The following CNTNAP5 variants were observed in gnomAD, a reference collection of about 807,000 sequenced individuals.
CNTNAP5 encodes contactin-associated protein-like 5.
In CNTNAP5, 72 loss-of-function variants were observed where a neutral mutation model predicts 150.2. The observed-to-expected ratio is 0.48, with a 90% CI of 0.40 to 0.58. The LOEUF (loss-of-function observed/expected upper bound fraction) is 0.58, where lower values mean the gene tolerates loss of function less well. CNTNAP5 is among the 20% of genes least tolerant of loss of function. CNTNAP5 has a pLI of 0.00. For synonymous variants in CNTNAP5, 672 were observed against 619.8 expected, an observed-to-expected ratio of 1.08 and a Z score of -1.25; for missense variants, 1,636 against 1,626.2, an observed-to-expected ratio of 1.01 and a Z score of -0.10.
chr2:124,229,757 A>G, intron 2 of CNTNAP5, among the ~76,000 whole-genome samples: 1 of 152,142 alleles, frequency 6.6e-6, no homozygotes, highest in East Asian at 1.9e-4. Flanking sequence ...GGTATATAGC[A>G]TGAAGCCACG....
chr2:124,405,240 C>CA (rs1375822395), intron 3 of CNTNAP5, among the ~76,000 whole-genome samples: 6 of 152,074 alleles, frequency 3.9e-5, no homozygotes, highest in African/African-American at 1.4e-4. Context: ...AGATGTACTG[C>CA]AAATTCAGAA....
chr2:124,639,704 C>A (rs1381440216), intron 12 of CNTNAP5, among the ~76,000 whole-genome samples: 2 of 152,146 alleles, frequency 1.3e-5, no homozygotes, highest in Non-Finnish European at 2.9e-5. Flanking sequence ...ACATTATGTA[C>A]TTATGTGGGT....
chr2:124,364,999 A>G (rs927992886), intron 3 of CNTNAP5, among the ~76,000 whole-genome samples: 25 of 152,122 alleles, frequency 1.6e-4, no homozygotes, highest in African/African-American at 6.0e-4. Context: ...TCACTAAAAA[A>G]CTATTGGCCA....
intron 10 of CNTNAP5, among the ~76,000 whole-genome samples, chr2:124,557,646 A>G (rs1695789582): frequency 6.6e-6 from 1 of 152,194 alleles, no homozygotes; most frequent in South Asian, 2.1e-4. Flanking sequence ...AAACTGATGG[A>G]TAAGCAGAGT....
At chr2:124,152,260 A>T (rs541751144) in intron 1 of CNTNAP5, among the ~76,000 whole-genome samples, 1 of 152,266 alleles carries the variant, frequency 6.6e-6, no homozygotes, top group East Asian at 1.9e-4. Context: ...ACAAAAACTG[A>T]TATGATTTAA....
chr2:124,565,930 A>T (rs13394737), intron 11 of CNTNAP5, among the ~76,000 whole-genome samples: 2,419 of 147,560 alleles, frequency 0.016, 65 homozygotes, highest in African/African-American at 0.057. Context: ...AATACGTATA[A>T]GATTTTATCA....
chr2:124,706,943 G>GAAGAAGAAGAAGA lies in CNTNAP5; in HGVS notation c.2078-40285_2078-40284insAGAAGAAGAAGAA, dbSNP rs1558743370. ...GAAGAAGAAGAAGAAGAAGAAGAAG[G>GAAGAAGAAGAAGA]AGGAGGAGGAGGAGGAGGAGGAGAA... On this transcript the variant is annotated intron_variant, in intron 13 of 23. Coordinates refer to ENST00000682447, the MANE Select transcript of CNTNAP5 (RefSeq NM_001367498.1). Among the ~76,000 whole-genome samples, 15 of 75,194 alleles carry GAAGAAGAAGAAGA rather than the reference G, an allele frequency of 2.0e-4. 2 individuals carry two copies. Among genetic ancestry groups the GAAGAAGAAGAAGA allele is most frequent in the African/African-American group, 7.6e-4 (15 of 19,666 alleles). The allele number at this position is 75,194 out of a possible 152,430, so 49.3% of individuals were successfully genotyped here.
At chr2:124,251,770 C>T (rs1026117920) in intron 3 of CNTNAP5, among the ~76,000 whole-genome samples, 7 of 152,000 alleles carry the variant, frequency 4.6e-5, no homozygotes, top group East Asian at 3.9e-4. Context: ...ATTTTTTTCT[C>T]CCAGAAAATA....
chr2:124,850,054 C>T (rs1219575090), intron 19 of CNTNAP5, among the ~76,000 whole-genome samples: 4 of 151,716 alleles, frequency 2.6e-5, no homozygotes, highest in Admixed American at 1.3e-4. Context: ...GTAAAATTAG[C>T]GTAAAGTTAA....
At chr2:124,712,520 G>T (rs1407830813) in intron 13 of CNTNAP5, among the ~76,000 whole-genome samples, 1 of 152,174 alleles carries the variant, frequency 6.6e-6, no homozygotes, top group Non-Finnish European at 1.5e-5. Flanking sequence ...TGTGGAGAAG[G>T]AGCTGCTGCT....
At chr2:124,593,443 T>C (rs1477209406) in intron 11 of CNTNAP5, among the ~76,000 whole-genome samples, 4 of 98,696 alleles carry the variant, frequency 4.1e-5, no homozygotes, top group African/African-American at 1.5e-4. Context: ...ATTTCATCCA[T>C]GTCCCTACAA....
intron 19 of CNTNAP5, among the ~76,000 whole-genome samples, chr2:124,825,785 C>G (rs1048237629): frequency 2.6e-5 from 4 of 152,132 alleles, no homozygotes; most frequent in Admixed American, 2.0e-4. Context: ...ACCAAGCATT[C>G]TTGGGATCGG....
intron 13 of CNTNAP5, among the ~76,000 whole-genome samples, chr2:124,681,301 C>CAAACAA (rs779890260): frequency 5.5e-5 from 4 of 72,360 alleles, no homozygotes; most frequent in Non-Finnish European, 1.0e-4. Flanking sequence ...GACTCCATCT[C>CAAACAA]AAAAAAAAAA....
intron 17 of CNTNAP5, among the ~76,000 whole-genome samples, chr2:124,786,446 G>GGAAGGAAGGAAGGAAA (rs1681590033): frequency 6.3e-5 from 5 of 78,852 alleles, no homozygotes; most frequent in East Asian, 3.3e-4. Context: ...AAGGAAGGAA[G>GGAAGGAAGGAAGGAAA]GAAAGAAAGA....
At chr2:124,677,557 A>G (rs1678971396) in intron 13 of CNTNAP5, among the ~76,000 whole-genome samples, 1 of 151,998 alleles carries the variant, frequency 6.6e-6, no homozygotes, top group Non-Finnish European at 1.5e-5. Flanking sequence ...GTGTTTACAA[A>G]CCTTTAGCTA....
At chr2:124,654,777 G>A (rs13018503) in intron 13 of CNTNAP5, among the ~76,000 whole-genome samples, 28,488 of 150,952 alleles carry the variant, frequency 0.19, 2,956 homozygotes, top group East Asian at 0.25. Flanking sequence ...ACCACCCCCC[G>A]CCTCCACAGA....
At chr2:124,405,945 T>C (rs1691559976) in intron 3 of CNTNAP5, among the ~76,000 whole-genome samples, 1 of 152,252 alleles carries the variant, frequency 6.6e-6, no homozygotes. Context: ...TAATTTTATG[T>C]TGTTCTTCTT....
intron 22 of CNTNAP5, among the ~76,000 whole-genome samples, chr2:124,903,362 A>ATG (rs139411874): frequency 2.9e-4 from 44 of 151,494 alleles, no homozygotes; most frequent in East Asian, 1.9e-4. Flanking sequence ...TGCATTGTGT[A>ATG]TGTGTGTGTG....
intron 19 of CNTNAP5, among the ~76,000 whole-genome samples, chr2:124,808,199 G>T (rs1682121981): frequency 6.6e-6 from 1 of 152,066 alleles, no homozygotes; most frequent in South Asian, 2.1e-4. Context: ...GGCTCCCCAG[G>T]ATTTTTTATT....
Sources: gnomAD v4.1 joint callset for allele counts (sites outside exome capture counted in the v4.1 genomes callset) on GRCh38, gnomAD v4.1.1 for gene constraint, MANE v1.5 for transcripts, NCBI Gene and HGNC (gene_info 2026-07-23, HGNC 2026-07-21) for gene names.